The following PI4KA variants were observed in gnomAD, a reference collection of about 807,000 sequenced individuals.
PI4KA encodes PI4-kinase alpha.
A neutral mutation model predicts 271.4 loss-of-function variants in PI4KA; 122 were observed. The ratio of observed to expected loss-of-function variants is 0.45; its 90% CI spans 0.39 to 0.52. The LOEUF (loss-of-function observed/expected upper bound fraction) is 0.52. Ranked by LOEUF, PI4KA falls within the 20% of genes least tolerant of loss-of-function variation. PI4KA has a pLI of 0.00. For missense variants in PI4KA, 1,969 were observed against 2,769.1 expected (o/e 0.71, Z 6.48); for synonymous variants, 1,041 against 1,078.8 (o/e 0.96, Z 0.69).
intron 19 of PI4KA, among the ~76,000 whole-genome samples, chr22:20,768,153 TACTC>T (rs1330805937): frequency 6.6e-6 from 1 of 152,130 alleles, no homozygotes; most frequent in Non-Finnish European, 1.5e-5. Flanking sequence ...AGGTGCTACT[TACTC>T]ACTTCCCAGA....
intron 19 of PI4KA, chr22:20,784,352 AC>A: frequency 6.8e-7 from 1 of 1,469,530 alleles, no homozygotes. Context: ...ATGTACAAGT[AC>A]CCAAGAACTT....
In PI4KA at chr22:20,742,353, A is replaced by G. The variant is rs772199420; in HGVS notation, c.3616T>C (p.Cys1206Arg). Residue 1206 changes from cysteine (C) to arginine (R), a missense_variant and splice_region_variant, in exon 32 of 55, where the codon TGT (cysteine) becomes CGT (arginine). Coordinates refer to ENST00000255882, the MANE Select transcript of PI4KA (RefSeq NM_058004.4). Reference protein sequence around the residue: ...LTAMLISSKDCDPQLLHHLCW... With the variant: ...LTAMLISSKDRDPQLLHHLCW... The stretch of plus-strand genomic sequence containing the variant: ...AGATGATGAAGGAGCTGCGGGTCAC[A>G]ATCTGGAACCAAACACACGTCAGTC... The G allele has an allele frequency of 1.2e-5, 20 of 1,613,824 alleles. No homozygotes were observed. In the Admixed American group the frequency reaches 3.0e-4, roughly 24 times the overall value.
intron 19 of PI4KA, among the ~76,000 whole-genome samples, chr22:20,783,334 T>C (rs178039): frequency 0.46 from 69,478 of 151,678 alleles, 16,494 homozygotes; most frequent in African/African-American, 0.57. Context: ...GGGTGGCTCA[T>C]GCCTATAATC....
intron 1 of PI4KA, among the ~76,000 whole-genome samples, chr22:20,856,163 T>A (rs983113320): frequency 2.6e-5 from 4 of 151,922 alleles, no homozygotes; most frequent in Non-Finnish European, 5.9e-5. Flanking sequence ...TACTAAAAAA[T>A]TTGCCCGGGG....
chr22:20,857,077 T>A (rs534806317), intron 1 of PI4KA, among the ~76,000 whole-genome samples: 10 of 152,336 alleles, frequency 6.6e-5, no homozygotes, highest in Admixed American at 6.5e-4. Context: ...TCAGACTATC[T>A]AATGATAACA....
intron 30 of PI4KA, 80 bp from the exon 31 acceptor site, chr22:20,742,844 T>G: frequency 5.1e-6 from 7 of 1,359,766 alleles, no homozygotes; most frequent in Non-Finnish European, 7.3e-6. Context: ...CAGACCACAC[T>G]TGTGGTGGCA....
intron 36 of PI4KA, among the ~76,000 whole-genome samples, chr22:20,732,242 T>C (rs1191637950): frequency 6.6e-6 from 1 of 152,056 alleles, no homozygotes; most frequent in East Asian, 1.9e-4. Context: ...TAGCCAGGCA[T>C]GGTGGTGAGC....
chr22:20,834,693 T>C, intron 2 of PI4KA, 38 bp from the exon 3 acceptor site: 3 of 1,346,428 alleles, frequency 2.2e-6, no homozygotes, highest in Non-Finnish European at 3.2e-6. Context: ...TTAGATTTAA[T>C]AAAATAAGTG....
intron 19 of PI4KA, among the ~76,000 whole-genome samples, chr22:20,780,746 A>G (rs955640779): frequency 2.1e-5 from 3 of 141,018 alleles, no homozygotes; most frequent in African/African-American, 8.1e-5. Flanking sequence ...ACTGCACTCT[A>G]GCCTGGACGA....
intron 19 of PI4KA, among the ~76,000 whole-genome samples, chr22:20,769,271 G>A (rs1932770447): frequency 6.6e-6 from 1 of 152,134 alleles, no homozygotes; most frequent in South Asian, 2.1e-4. Flanking sequence ...CTTGAAAGTG[G>A]CTCTGTGGGT....
At chr22:20,715,139 T>G (rs531815488) in intron 45 of PI4KA, among the ~76,000 whole-genome samples, 1 of 151,234 alleles carries the variant, frequency 6.6e-6, no homozygotes, top group Non-Finnish European at 1.5e-5. Flanking sequence ...GGTGCGATCT[T>G]GGCTCACTGC....
At chr22:20,784,012 C>T (rs775304047) in intron 19 of PI4KA, 2 of 1,614,170 alleles carry the variant, frequency 1.2e-6, no homozygotes, top group South Asian at 2.2e-5. Context: ...TGACACACAA[C>T]CACAACTTCC....
Position 20,810,975 on chromosome 22 carries a change from C to T in PI4KA, c.1063G>A (p.Val355Met), listed in dbSNP as rs751531035. 1 of 1,612,584 alleles carries T rather than the reference C, an allele frequency of 6.2e-7. No individual in the cohort carries two copies. The highest frequency in any genetic ancestry group is 8.5e-7 in the Non-Finnish European group (1 of 1,178,576). The change falls in exon 9 of 55, where the codon GTG becomes ATG. Residue 355 changes from valine to methionine, a missense_variant. Transcript: ENST00000255882. ...CCTCAGAAGCGACATACCTCCATCA[C>T]ACTGGCTACAATGGCATCCAAAGAT... ...LKSLDAIVAS[V>M]MEANPSADLY...
intron 1 of PI4KA, among the ~76,000 whole-genome samples, chr22:20,855,504 T>C (rs978820978): frequency 1.3e-5 from 2 of 152,182 alleles, no homozygotes; most frequent in African/African-American, 4.8e-5. Context: ...CCCACATGTA[T>C]ATAGTTGTAC....
At chr22:20,819,342 G>C (rs1349314369) in intron 6 of PI4KA, among the ~76,000 whole-genome samples, 2 of 151,136 alleles carry the variant, frequency 1.3e-5, no homozygotes, top group African/African-American at 4.9e-5. Context: ...GGATAAGAGA[G>C]TAAGTCTTGC....
At chr22:20,762,948 A>G (rs961480396) in intron 22 of PI4KA, among the ~76,000 whole-genome samples, 6 of 136,886 alleles carry the variant, frequency 4.4e-5, no homozygotes, top group African/African-American at 1.7e-4. Context: ...CCCTTGCCTC[A>G]GTCTCCTGAG....
chr22:20,804,260 C>T (rs1465393008), intron 12 of PI4KA, 40 bp downstream of exon 12: 5 of 1,343,562 alleles, frequency 3.7e-6, no homozygotes, highest in Non-Finnish European at 5.4e-6. Flanking sequence ...GGAGGCCCTA[C>T]AGGTGGGATC....
rs373483268 is a variant in PI4KA, at chr22:20,734,367, C to T, written c.3900+28G>A. ...CTGGCCCCCCAGGTGGAGCACCCCA[C>T]AGCCTTCGTGGGGGAACAGGCACGT... On this transcript the variant is annotated intron_variant, in intron 33 of 54. Transcript: ENST00000255882. 962 of 1,534,956 alleles carry T rather than the reference C, an allele frequency of 6.3e-4. 7 individuals carry two copies. The African/African-American group carries it at 8.8e-3, about 14-fold the overall frequency.
In PI4KA at chr22:20,733,733, T is replaced by C. The variant is rs758415011; in HGVS notation, c.4160+3A>G. The C allele has an allele frequency of 1.6e-5, 26 of 1,613,302 alleles. No individual in the cohort carries two copies. The highest frequency in any genetic ancestry group is 2.2e-5 in the East Asian group (1 of 44,858). ...CGCTGCACAGCACATCTTGGGGGAG[T>C]ACCTGAAGTAGTCAAAGGCAGTGGA... On this transcript the variant is annotated splice_donor_region_variant and intron_variant, in intron 35 of 54. Transcript: ENST00000255882.
Sources: allele counts gnomAD v4.1 joint callset (sites outside exome capture counted in the v4.1 genomes callset), GRCh38; gene constraint gnomAD v4.1.1; transcripts MANE v1.5; gene names NCBI Gene and HGNC (gene_info 2026-07-23, HGNC 2026-07-21).